The following STAM2 variants were observed in gnomAD, a reference collection of about 807,000 sequenced individuals.
STAM2 encodes the protein signal transducing adaptor molecule 2, also known as signal transducing adapter molecule 2.
STAM2 carries 51 observed loss-of-function variants against 65.6 expected under a neutral mutation model. The observed-to-expected ratio is 0.78, with a 90% confidence interval of 0.62 to 0.98. STAM2 has a LOEUF of 0.98. Ranked by LOEUF, STAM2 falls within the 50% of genes least tolerant of loss-of-function variation. The pLI is 0.00. For missense variants in STAM2, 584 were observed against 617.8 expected (o/e 0.95, Z 0.58); for synonymous variants, 198 against 208.4 (o/e 0.95, Z 0.43).
intron 2 of STAM2, 81 bp from the exon 3 acceptor site, chr2:152,148,381 C>A: frequency 8.6e-7 from 1 of 1,160,734 alleles, no homozygotes; most frequent in Non-Finnish European, 1.2e-6. Context: ...ATTCTATTAC[C>A]AAATAATTTT....
intron 1 of STAM2, among the ~76,000 whole-genome samples, chr2:152,168,223 C>T (rs1381734732): frequency 1.3e-5 from 2 of 151,792 alleles, no homozygotes; most frequent in South Asian, 2.1e-4. Context: ...TGCAGTGGCG[C>T]GATCTTGGCT....
intron 2 of STAM2, 130 bp downstream of exon 2, chr2:152,150,015 G>A (rs767908216): frequency 3.4e-5 from 22 of 642,138 alleles, no homozygotes; most frequent in East Asian, 5.7e-5. Flanking sequence ...GTGAACCCTC[G>A]CAGTTTAAAT....
chr2:152,124,695 T>C (rs1279054951), intron 12 of STAM2: 1 of 152,224 alleles, frequency 6.6e-6, no homozygotes, highest in Admixed American at 6.5e-5. Flanking sequence ...AAGCTATTTT[T>C]AAAGTAAATA....
At chr2:152,174,131 T>G (rs370155948) in intron 1 of STAM2, among the ~76,000 whole-genome samples, 5 of 152,332 alleles carry the variant, frequency 3.3e-5, no homozygotes, top group African/African-American at 1.2e-4. Flanking sequence ...TCTGCCTACT[T>G]GTACCAGAGA....
At chr2:152,169,559 G>A (rs1239365752) in intron 1 of STAM2, among the ~76,000 whole-genome samples, 1 of 152,050 alleles carries the variant, frequency 6.6e-6, no homozygotes, top group African/African-American at 2.4e-5. Context: ...ACTGCACCCT[G>A]CCATCAATTT....
chr2:152,151,106 T>A (rs566484890), intron 1 of STAM2, among the ~76,000 whole-genome samples: 218 of 151,582 alleles, frequency 1.4e-3, no homozygotes, highest in Non-Finnish European at 2.6e-3. Flanking sequence ...TCTCAAAATA[T>A]GATTTGCTTG....
At chr2:152,150,921 G>A (rs1689432259) in intron 1 of STAM2, among the ~76,000 whole-genome samples, 3 of 152,186 alleles carry the variant, frequency 2.0e-5, no homozygotes, top group African/African-American at 7.2e-5. Flanking sequence ...GCCCAGGCTG[G>A]TCTTGAACTC....
At chr2:152,139,512 C>T (rs547911421) in intron 7 of STAM2, among the ~76,000 whole-genome samples, 46 of 152,264 alleles carry the variant, frequency 3.0e-4, no homozygotes, top group African/African-American at 7.2e-4. Flanking sequence ...GCTATGCTCA[C>T]GCCTGTGAAT....
At chr2:152,123,335 G>A (rs1560208746) in intron 13 of STAM2, among the ~76,000 whole-genome samples, 1 of 152,084 alleles carries the variant, frequency 6.6e-6, no homozygotes, top group African/African-American at 2.4e-5. Flanking sequence ...TCTAGCCACT[G>A]CACTCCAGCC....
intron 1 of STAM2, among the ~76,000 whole-genome samples, chr2:152,169,261 T>C (rs947103990): frequency 6.6e-6 from 1 of 152,124 alleles, no homozygotes; most frequent in Non-Finnish European, 1.5e-5. Context: ...TTTTTTGGTG[T>C]TGGTTTTTGG....
intron 11 of STAM2, among the ~76,000 whole-genome samples, chr2:152,129,241 G>C (rs768585511): frequency 1.5e-4 from 23 of 152,070 alleles, no homozygotes; most frequent in Admixed American, 4.6e-4. Context: ...TGACCTCCCA[G>C]GCTCAAGTGA....
At chr2:152,169,916 C>A (rs1407877224) in intron 1 of STAM2, among the ~76,000 whole-genome samples, 2 of 151,298 alleles carry the variant, frequency 1.3e-5, no homozygotes, top group African/African-American at 4.9e-5. Flanking sequence ...TGCAGTGGCA[C>A]AATCTCCGCC....
chr2:152,126,455 T>C (rs1420347273), intron 11 of STAM2, 76 bp from the exon 12 acceptor site: 24 of 911,756 alleles, frequency 2.6e-5, no homozygotes, highest in Non-Finnish European at 3.4e-5. Flanking sequence ...ATTTTTTTAA[T>C]TTAGCACAAT....
At chr2:152,168,183 TG>T (rs1357041860) in intron 1 of STAM2, among the ~76,000 whole-genome samples, 1 of 151,890 alleles carries the variant, frequency 6.6e-6, no homozygotes, top group African/African-American at 2.4e-5. Flanking sequence ...TCTTTTGAGA[TG>T]GAGTCTCGCT....
intron 7 of STAM2, 141 bp from the exon 8 acceptor site, chr2:152,135,744 A>G: frequency 5.0e-6 from 3 of 601,004 alleles, no homozygotes; most frequent in Non-Finnish European, 8.7e-6. Context: ...CTTAAATTTA[A>G]TAAACGATAT....
intron 1 of STAM2, among the ~76,000 whole-genome samples, chr2:152,158,605 C>T (rs933129441): frequency 1.3e-5 from 2 of 151,974 alleles, no homozygotes; most frequent in African/African-American, 4.8e-5. Context: ...ATATTAATAC[C>T]TTTGGACATG....
intron 1 of STAM2, among the ~76,000 whole-genome samples, chr2:152,160,676 C>G (rs1407885215): frequency 6.7e-6 from 1 of 149,320 alleles, no homozygotes; most frequent in African/African-American, 2.5e-5. Flanking sequence ...GCCCGGCCAG[C>G]CACCCCGTCC....
intron 1 of STAM2, among the ~76,000 whole-genome samples, chr2:152,167,871 C>T (rs1294598745): frequency 6.6e-6 from 1 of 152,008 alleles, no homozygotes; most frequent in Non-Finnish European, 1.5e-5. Flanking sequence ...GATTGTACCA[C>T]TGCACTTCAG....
In STAM2 at chr2:152,126,005, T is replaced by C. The variant is rs539401942; in HGVS notation, c.1179+221A>G. The C allele has an allele frequency of 1.7e-3, 642 of 386,286 alleles. 2 individuals carry two copies. Among genetic ancestry groups the C allele is most frequent in the Middle Eastern group, 3.5e-3 (5 of 1,420 alleles). The allele number at this position is 386,286 out of a possible 1,614,324, so 23.9% of individuals were successfully genotyped here. On this transcript the variant is annotated intron_variant, in intron 12 of 13. Coordinates refer to ENST00000263904, the MANE Select transcript of STAM2 (RefSeq NM_005843.6). ...ACATATTTAATGGTCTTTTCATCCA[T>C]GTTAAAACTGAACTAAAATGTATTT...
Sources: allele counts gnomAD v4.1 joint callset (sites outside exome capture counted in the v4.1 genomes callset), GRCh38; gene constraint gnomAD v4.1.1; transcripts MANE v1.5; gene names NCBI Gene and HGNC (gene_info 2026-07-23, HGNC 2026-07-21).